The following BMPER variants were observed in gnomAD, a reference collection of about 807,000 sequenced individuals.
BMPER encodes the protein BMP-binding endothelial regulator protein.
In BMPER, 45 loss-of-function variants were observed where a neutral mutation model predicts 87.3. The ratio of observed to expected loss-of-function variants is 0.52; its 90% CI spans 0.41 to 0.66. The LOEUF (loss-of-function observed/expected upper bound fraction) is 0.66. Ranked by LOEUF, BMPER falls within the 30% of genes least tolerant of loss-of-function variation. The probability of loss-of-function intolerance (pLI) is 0.00; values close to 1 mark genes in which losing one functional copy is unlikely to be tolerated. For missense variants in BMPER, 784 were observed against 867.5 expected (o/e 0.90, Z 1.21); for synonymous variants, 326 against 316.2 (o/e 1.03, Z -0.33).
chr7:34,061,996 G>A lies in BMPER; in HGVS notation c.1033-6G>A. 1 of 1,556,830 alleles carries A rather than the reference G, an allele frequency of 6.4e-7. No individual in the cohort carries two copies. Among genetic ancestry groups the A allele is most frequent in the Non-Finnish European group, 8.7e-7 (1 of 1,146,304 alleles). On this transcript the variant is annotated splice_region_variant and splice_polypyrimidine_tract_variant and intron_variant, in intron 10 of 14. Coordinates refer to ENST00000649409, the MANE Select transcript of BMPER (RefSeq NM_001365308.1). ...GTAACTTTGTATTTGTTTTTCTTCT[G>A]ATTAGGGCAAAATTCTCAACAGAAA...
Position 34,069,932 on chromosome 7 carries a change from C to T in BMPER, c.1078+7885C>T, listed in dbSNP as rs76605334. Among the ~76,000 whole-genome samples, 1,114 of 152,202 alleles carry T rather than the reference C, an allele frequency of 7.3e-3. 11 individuals are homozygous for T. The highest frequency in any genetic ancestry group is 0.045 in the Middle Eastern group (13 of 292). On this transcript the variant is annotated intron_variant, in intron 11 of 14. Transcript: ENST00000649409. ...CTTTCTTCTTATCTCTGTTCCCTTC[C>T]GCGTTAGTACTCTCTGCCCTCATTC...
At chr7:33,966,604 A>T (rs1417128562) in intron 4 of BMPER, 43 bp downstream of exon 4, 2 of 1,572,390 alleles carry the variant, frequency 1.3e-6, no homozygotes, top group African/African-American at 1.3e-5. Context: ...AGGAATCCAT[A>T]GAGTCCTCTT....
intron 14 of BMPER, among the ~76,000 whole-genome samples, chr7:34,151,664 G>A (rs1473719811): frequency 1.3e-5 from 2 of 152,190 alleles, no homozygotes; most frequent in East Asian, 1.9e-4. Context: ...TATCCCCAAA[G>A]CATCTGGTAC....
chr7:33,905,688 C>G lies in BMPER; in HGVS notation c.75C>G (p.Val25=), dbSNP rs1783793503. 1 of 1,612,966 alleles carries G rather than the reference C, an allele frequency of 6.2e-7. No individual in the cohort carries two copies. The highest frequency in any genetic ancestry group is 1.7e-5 in the Admixed American group (1 of 59,988). ...GCTCGCCTGGGATTACGTGCTGCGT[C>G]TTGCTGCTACTCAATTGCTCGGGGG... is the stretch of plus-strand genomic sequence containing the variant. ...CRRSPGITCC[V]LLLLNCSGVP... Residue 25 remains valine (V), a synonymous_variant, in exon 1 of 15, where the codon GTC becomes GTG. Coordinates refer to ENST00000649409, the MANE Select transcript of BMPER (RefSeq NM_001365308.1).
intron 2 of BMPER, among the ~76,000 whole-genome samples, chr7:33,935,531 G>A (rs191972970): frequency 1.0e-3 from 156 of 152,134 alleles, no homozygotes; most frequent in Admixed American, 3.5e-3. Context: ...AAGAGTAAAT[G>A]AGGTCAGCCC....
chr7:34,130,790 C>T (rs1562763081), intron 13 of BMPER, among the ~76,000 whole-genome samples: 1 of 152,148 alleles, frequency 6.6e-6, no homozygotes, highest in Admixed American at 6.5e-5. Flanking sequence ...CCTGAGAAAG[C>T]TACTCAGCTG....
chr7:33,939,683 G>T (rs1784703532), intron 3 of BMPER, among the ~76,000 whole-genome samples: 1 of 152,132 alleles, frequency 6.6e-6, no homozygotes, highest in Admixed American at 6.5e-5. Context: ...TTCCCCCTTT[G>T]CTTGGCACTT....
At chr7:33,921,985 C>A (rs1784244211) in intron 2 of BMPER, 2 of 389,606 alleles carry the variant, frequency 5.1e-6, no homozygotes, top group Non-Finnish European at 1.1e-5. Flanking sequence ...CAACTTACAG[C>A]CAGCAGGTCC....
intron 3 of BMPER, among the ~76,000 whole-genome samples, chr7:33,948,953 G>A (rs1047251967): frequency 1.3e-5 from 2 of 151,892 alleles, no homozygotes; most frequent in African/African-American, 4.9e-5. Flanking sequence ...GAGAGAGAGA[G>A]AGAAATGAAC....
chr7:34,065,199 A>ACTCTCTCTCTCTCTCTCTCTCTCTCT (rs372015069), intron 11 of BMPER, among the ~76,000 whole-genome samples: 8 of 94,110 alleles, frequency 8.5e-5, no homozygotes, highest in African/African-American at 1.2e-4. Context: ...ACACATACAC[A>ACTCTCTCTCTCTCTCTCTCTCTCTCT]CTCACTCTCT....
chr7:33,927,131 C>T (rs1222808457), intron 2 of BMPER, among the ~76,000 whole-genome samples: 1 of 152,264 alleles, frequency 6.6e-6, no homozygotes, highest in Non-Finnish European at 1.5e-5. Flanking sequence ...CTGTGAGCGG[C>T]TCCTCCGCCC....
At chr7:34,047,360 C>T (rs1374936282) in intron 7 of BMPER, among the ~76,000 whole-genome samples, 1 of 151,996 alleles carries the variant, frequency 6.6e-6, no homozygotes, top group Non-Finnish European at 1.5e-5. Flanking sequence ...CTCGCTGCAA[C>T]CTCCACCTCC....
intron 2 of BMPER, among the ~76,000 whole-genome samples, chr7:33,924,014 G>A (rs769354009): frequency 2.0e-5 from 3 of 152,054 alleles, no homozygotes; most frequent in African/African-American, 4.8e-5. Context: ...ATCTGTCCAC[G>A]TGTCTACCTG....
At chr7:33,916,597 A>C (rs1000849579) in intron 2 of BMPER, among the ~76,000 whole-genome samples, 1 of 152,236 alleles carries the variant, frequency 6.6e-6, no homozygotes, top group African/African-American at 2.4e-5. Context: ...ACATTCATAC[A>C]GCCTTCTGTG....
At chr7:34,018,284 A>G (rs912402160) in intron 6 of BMPER, among the ~76,000 whole-genome samples, 2 of 151,884 alleles carry the variant, frequency 1.3e-5, no homozygotes, top group African/African-American at 2.4e-5. Flanking sequence ...TCTCTTAGCA[A>G]CCACATGGAA....
chr7:33,905,950 C>T (rs1275307693), intron 1 of BMPER, among the ~76,000 whole-genome samples: 1 of 152,184 alleles, frequency 6.6e-6, no homozygotes, highest in Non-Finnish European at 1.5e-5. Flanking sequence ...CTGTTGCCTT[C>T]AATGTAGTAA....
chr7:34,061,859 T>C, intron 10 of BMPER, 143 bp from the exon 11 acceptor site: 1 of 698,280 alleles, frequency 1.4e-6, no homozygotes, highest in Non-Finnish European at 2.4e-6. Flanking sequence ...TTCATCACCA[T>C]CTGGGCATTG....
At chr7:33,933,401 A>G (rs1784526530) in intron 2 of BMPER, among the ~76,000 whole-genome samples, 1 of 151,932 alleles carries the variant, frequency 6.6e-6, no homozygotes, top group Admixed American at 6.6e-5. Context: ...ACTAAGAATG[A>G]AAGATGCAGT....
chr7:34,010,379 G>A (rs1281576974), intron 6 of BMPER, among the ~76,000 whole-genome samples: 2 of 151,872 alleles, frequency 1.3e-5, no homozygotes, highest in African/African-American at 4.8e-5. Flanking sequence ...TATTAATTTA[G>A]TTATACATAC....
Sources: gnomAD v4.1 joint callset for allele counts (sites outside exome capture counted in the v4.1 genomes callset) on GRCh38, gnomAD v4.1.1 for gene constraint, MANE v1.5 for transcripts, NCBI Gene and HGNC (gene_info 2026-07-23, HGNC 2026-07-21) for gene names.